The following NEMP2 variants were observed in gnomAD, a reference collection of about 807,000 sequenced individuals.
NEMP2 encodes nuclear envelope integral membrane protein 2.
Under a neutral mutation model 54.2 loss-of-function variants are expected in NEMP2, and 53 were observed. That is an observed-to-expected ratio of 0.98 (90% CI 0.78 to 1.23). The LOEUF (loss-of-function observed/expected upper bound fraction) is 1.23. NEMP2 is among the 50% of genes most tolerant of loss of function. The pLI, the probability that NEMP2 is intolerant of heterozygous loss-of-function variation, is 0.00. For synonymous variants in NEMP2, 197 were observed against 190.3 expected (o/e 1.04, Z -0.29); for missense variants, 455 against 511.3 (o/e 0.89, Z 1.06).
chr2:190,609,083 G>A, the NEMP2 span: 2 of 152,140 alleles, frequency 1.3e-5, no homozygotes, highest in Admixed American at 6.6e-5. The surrounding 1 kb of genome is among the most constrained non-coding windows in gnomAD (Gnocchi z 4.7). Context: ...GCCCAATAAT[G>A]AGATGCAGAT....
At chr2:190,553,704 G>A in the NEMP2 span, among the ~76,000 whole-genome samples, 2 of 152,182 alleles carry the variant, frequency 1.3e-5, no homozygotes, top group Non-Finnish European at 2.9e-5. Context: ...TGATAGGTGT[G>A]AGAGGACCAT....
At chr2:190,489,753 T>G in the NEMP2 span, 1 of 1,610,320 alleles carries the variant, frequency 6.2e-7, no homozygotes, top group Non-Finnish European at 8.5e-7. This position sits in a 1 kb window ranked among gnomAD's most constrained non-coding sequence, Gnocchi z 6.6. Flanking sequence ...TATAGAGTGC[T>G]GTTTGTTTTT....
At chr2:190,565,277 T>C in the NEMP2 span, among the ~76,000 whole-genome samples, 1 of 152,128 alleles carries the variant, frequency 6.6e-6, no homozygotes, top group Non-Finnish European at 1.5e-5. Flanking sequence ...AAGTCTGCAC[T>C]GGGAATGGTT....
At chr2:190,629,024 A>G in the NEMP2 span, among the ~76,000 whole-genome samples, 1 of 152,222 alleles carries the variant, frequency 6.6e-6, no homozygotes, top group African/African-American at 2.4e-5. Flanking sequence ...TAGACAGATG[A>G]CATATCCAAA....
chr2:190,635,971 T>G, the NEMP2 span, among the ~76,000 whole-genome samples: 1 of 152,194 alleles, frequency 6.6e-6, no homozygotes, highest in Admixed American at 6.5e-5. The surrounding 1 kb of genome is among the most constrained non-coding windows in gnomAD (Gnocchi z 4.1). Flanking sequence ...GCTTAAGCAA[T>G]CCTCCTACTT....
the NEMP2 span, chr2:190,640,907 T>C: frequency 6.7e-6 from 1 of 149,538 alleles, no homozygotes; most frequent in African/African-American, 2.5e-5. Flanking sequence ...GCTGGGGTAG[T>C]TTTTGAACCC....
At chr2:190,428,831 C>G in the NEMP2 span, among the ~76,000 whole-genome samples, 3 of 152,082 alleles carry the variant, frequency 2.0e-5, no homozygotes, top group Non-Finnish European at 4.4e-5. Context: ...TGCCACCATG[C>G]CTGGCTAATT....
the NEMP2 span, among the ~76,000 whole-genome samples, chr2:190,490,336 G>A: frequency 6.6e-6 from 1 of 151,942 alleles, no homozygotes; most frequent in Non-Finnish European, 1.5e-5. The surrounding 1 kb of genome is among the most constrained non-coding windows in gnomAD (Gnocchi z 4.5). Context: ...GGCCGAGGCG[G>A]GTGGATCACG....
At chr2:190,433,134 G>A in the NEMP2 span, among the ~76,000 whole-genome samples, 3 of 152,174 alleles carry the variant, frequency 2.0e-5, no homozygotes, top group East Asian at 5.8e-4. This position sits in a 1 kb window ranked among gnomAD's most constrained non-coding sequence, Gnocchi z 4.5. Flanking sequence ...GTTTGGGTGT[G>A]TGTGTGTTTA....
chr2:190,436,012 T>C, the NEMP2 span: 2 of 1,588,882 alleles, frequency 1.3e-6, no homozygotes, highest in South Asian at 1.1e-5. The surrounding 1 kb of genome is among the most constrained non-coding windows in gnomAD (Gnocchi z 5.3). Flanking sequence ...GTAAACTTGC[T>C]GATGGTGGTG....
At chr2:190,448,536 T>C in the NEMP2 span, among the ~76,000 whole-genome samples, 4 of 152,326 alleles carry the variant, frequency 2.6e-5, no homozygotes, top group Non-Finnish European at 5.9e-5. Flanking sequence ...AACACTATGA[T>C]GTTGACTGGG....
the NEMP2 span, chr2:190,620,509 A>G: frequency 1.3e-5 from 2 of 152,236 alleles, no homozygotes; most frequent in Non-Finnish European, 2.9e-5. The surrounding 1 kb of genome is among the most constrained non-coding windows in gnomAD (Gnocchi z 4.9). Context: ...CCTTATTACA[A>G]ATAATGAAAA....
the NEMP2 span, among the ~76,000 whole-genome samples, chr2:190,575,875 GAAAA>G: frequency 6.9e-6 from 1 of 145,476 alleles, no homozygotes; most frequent in Non-Finnish European, 1.5e-5. Context: ...AAGAAAGAAA[GAAAA>G]AGAAAAAAAA....
At chr2:190,471,917 A>G in the NEMP2 span, among the ~76,000 whole-genome samples, 2 of 152,170 alleles carry the variant, frequency 1.3e-5, no homozygotes, top group African/African-American at 4.8e-5. The surrounding 1 kb of genome is among the most constrained non-coding windows in gnomAD (Gnocchi z 4.7). Flanking sequence ...TCAGGCAGCA[A>G]TATTTGCTGT....
At position 190,529,546 on chromosome 2, in the gene NEMP2, C is replaced by T. The variant is rs1040727444; in HGVS notation, c.98-4168G>A. Among the ~76,000 whole-genome samples the T allele has an allele frequency of 2.0e-5, 3 of 152,220 alleles. No individual in the cohort carries two copies. Among genetic ancestry groups the T allele is most frequent in the African/African-American group, 7.2e-5 (3 of 41,458 alleles). Reference sequence around the variant, plus strand: ...TAAACAAACACACCCCAACCACTTCCACCTGCTTTATTCTTTCTTCATATT... The same window carrying T: ...TAAACAAACACACCCCAACCACTTCTACCTGCTTTATTCTTTCTTCATATT... On this transcript the variant is annotated intron_variant, in intron 1 of 8. Coordinates refer to ENST00000409150, the MANE Select transcript of NEMP2 (RefSeq NM_001142645.2). The surrounding 1 kb of genome is among the most constrained non-coding windows in gnomAD (Gnocchi z 4.7).
chr2:190,565,017 G>A, the NEMP2 span, among the ~76,000 whole-genome samples: 1 of 152,148 alleles, frequency 6.6e-6, no homozygotes, highest in Non-Finnish European at 1.5e-5. Flanking sequence ...CATCAGTCTT[G>A]GCAGAGAGTG....
At chr2:190,638,139 G>A in the NEMP2 span, among the ~76,000 whole-genome samples, 397 of 152,242 alleles carry the variant, frequency 2.6e-3, no homozygotes, top group African/African-American at 9.1e-3. This position sits in a 1 kb window ranked among gnomAD's most constrained non-coding sequence, Gnocchi z 5.7. Flanking sequence ...GAGTGCTCCC[G>A]GCAGCACTGA....
the NEMP2 span, chr2:190,435,950 A>C: frequency 6.7e-7 from 1 of 1,495,282 alleles, no homozygotes; most frequent in South Asian, 1.4e-5. Flanking sequence ...TTCATTACTA[A>C]GCCATCTTTT....
At chr2:190,606,633 A>G in the NEMP2 span, among the ~76,000 whole-genome samples, 1 of 152,132 alleles carries the variant, frequency 6.6e-6, no homozygotes, top group Non-Finnish European at 1.5e-5. Flanking sequence ...AATTGCTTGA[A>G]CCTGGGAGGC....
Sources: allele counts gnomAD v4.1 joint callset (sites outside exome capture counted in the v4.1 genomes callset), GRCh38; gene constraint gnomAD v4.1.1; non-coding constraint Gnocchi (gnomAD v3.1); transcripts MANE v1.5; gene names NCBI Gene and HGNC (gene_info 2026-07-23, HGNC 2026-07-21).